The following ADGRG7 variants were observed in gnomAD, a reference collection of about 807,000 sequenced individuals.
The protein encoded by ADGRG7 is adhesion G protein-coupled receptor G7, also known as G-protein coupled receptor 128.
ADGRG7 carries 82 observed loss-of-function variants against 88.6 expected under a neutral mutation model. The ratio of observed to expected loss-of-function variants is 0.93; its 90% CI spans 0.77 to 1.11. The LOEUF (loss-of-function observed/expected upper bound fraction) is 1.11, where lower values mean the gene tolerates loss of function less well. Ranked by LOEUF, ADGRG7 falls within the 50% of genes most tolerant of loss-of-function variation. ADGRG7 has a pLI of 0.00. For missense variants in ADGRG7, 945 were observed against 953.4 expected, an observed-to-expected ratio of 0.99 and a Z score of 0.12; for synonymous variants, 381 against 345.2, an observed-to-expected ratio of 1.10 and a Z score of -1.15.
At chr3:100,621,273 G>A (rs1707308217) in intron 1 of ADGRG7, among the ~76,000 whole-genome samples, 1 of 152,154 alleles carries the variant, frequency 6.6e-6, no homozygotes, top group African/African-American at 2.4e-5. Context: ...GGAATCAAAA[G>A]CTAGAAATGA....
At chr3:100,658,269 G>C (rs1235758079) in intron 13 of ADGRG7, among the ~76,000 whole-genome samples, 2 of 152,068 alleles carry the variant, frequency 1.3e-5, no homozygotes, top group East Asian at 3.8e-4. Context: ...CTCCTCTCCT[G>C]GTCCAAACTA....
intron 15 of ADGRG7, among the ~76,000 whole-genome samples, chr3:100,669,847 C>A (rs961281652): frequency 1.3e-5 from 2 of 151,980 alleles, no homozygotes; most frequent in African/African-American, 4.8e-5. Context: ...ACCAGTCTAG[C>A]CAACATGGTG....
Position 100,630,726 on chromosome 3 carries a change from C to A in ADGRG7, c.251C>A (p.Thr84Asn). 7.0e-7 allele frequency: 1 copy of A among 1,432,362 alleles called. No individual in the cohort carries two copies. Among genetic ancestry groups the A allele is most frequent in the Non-Finnish European group, 9.2e-7 (1 of 1,086,662 alleles). 88.7% of individuals were successfully genotyped at this position (1,432,362 alleles called of 1,614,324 possible). The change falls in exon 3 of 16, where the codon ACC (threonine) becomes AAC (asparagine). Residue 84 changes from threonine to asparagine, a missense_variant. Physicochemically the swap from Thr to Asn is moderately conservative, Grantham distance 65. Transcript: ENST00000273352. ...ACAGCTAATTTTTGTGAAAATAGTA[C>A]CTATATGGGTTTTACTTTTGCCAGA... is the stretch of plus-strand genomic sequence containing the variant. ...CTIANFCENSTYMGFTFARIP... is the reference protein window; with the variant it reads ...CTIANFCENSNYMGFTFARIP...
intron 3 of ADGRG7, among the ~76,000 whole-genome samples, chr3:100,631,422 G>A (rs76854766): frequency 1.1e-3 from 161 of 152,234 alleles, no homozygotes; most frequent in Non-Finnish European, 5.9e-4. Context: ...GCCACATTGG[G>A]TAATGTCTTC....
chr3:100,649,158 A>T (rs967587040), intron 10 of ADGRG7, among the ~76,000 whole-genome samples: 1 of 152,242 alleles, frequency 6.6e-6, no homozygotes, highest in African/African-American at 2.4e-5. Flanking sequence ...TTGATTTTAG[A>T]CATCAAGGAA....
rs969236359 is a variant in ADGRG7, at chr3:100,643,375, C to A, written c.808C>A (p.Pro270Thr). Residue 270 changes from proline to threonine, a missense_variant, in exon 7 of 16, where the codon CCT becomes ACT. By Grantham distance (38) the Pro-to-Thr change is conservative (BLOSUM62 -1). Transcript: ENST00000273352. ...ANFSSENAVG[P>T]SNVRFSVQKG... ...TTTCTCTTCAGAAAATGCGGTGGGG[C>A]CTTCAAATGTTCGCTTCTCTGTGCA... 13 of 1,613,824 alleles carry A rather than the reference C, an allele frequency of 8.1e-6. No individual in the cohort carries two copies. Among genetic ancestry groups the A allele is most frequent in the Admixed American group, 1.7e-5 (1 of 59,988 alleles).
chr3:100,671,792 G>A (rs555008633), intron 15 of ADGRG7, among the ~76,000 whole-genome samples: 84 of 152,256 alleles, frequency 5.5e-4, no homozygotes, highest in South Asian at 4.8e-3. Flanking sequence ...AGTTTTCCCA[G>A]CACCATTTAT....
At chr3:100,690,047 A>G (rs1465209199) in intron 15 of ADGRG7, among the ~76,000 whole-genome samples, 1 of 152,066 alleles carries the variant, frequency 6.6e-6, no homozygotes, top group Non-Finnish European at 1.5e-5. Flanking sequence ...CTATAGTCCC[A>G]TATTTCTTGG....
chr3:100,670,763 C>A (rs914780031), intron 15 of ADGRG7, among the ~76,000 whole-genome samples: 1 of 152,088 alleles, frequency 6.6e-6, no homozygotes, highest in South Asian at 2.1e-4. Flanking sequence ...TCCCTGTGTC[C>A]ACGTGTTCTC....
chr3:100,688,660 G>A (rs1343785550), intron 15 of ADGRG7, among the ~76,000 whole-genome samples: 2 of 152,190 alleles, frequency 1.3e-5, no homozygotes, highest in Admixed American at 6.5e-5. Flanking sequence ...GGAACGGGTT[G>A]TTCAGTTTCC....
At chr3:100,648,260 T>C (rs1145343) in intron 10 of ADGRG7, among the ~76,000 whole-genome samples, 136,330 of 152,066 alleles carry the variant, frequency 0.9, 63,020 homozygotes, top group East Asian at 1. Context: ...CGTACCTACA[T>C]TTGTAATTAG....
chr3:100,617,627 G>A (rs1450452047), intron 1 of ADGRG7, among the ~76,000 whole-genome samples: 5 of 152,098 alleles, frequency 3.3e-5, no homozygotes, highest in African/African-American at 7.2e-5. Context: ...TTGGACATTT[G>A]GGTTGGTTCC....
chr3:100,635,132 C>CT (rs1707516854), intron 4 of ADGRG7, among the ~76,000 whole-genome samples: 1 of 152,080 alleles, frequency 6.6e-6, no homozygotes, highest in Non-Finnish European at 1.5e-5. Flanking sequence ...TAACTGGCAC[C>CT]TAGAGAGGTC....
intron 11 of ADGRG7, 83 bp from the exon 12 acceptor site, chr3:100,654,752 G>T: frequency 1.2e-6 from 1 of 830,398 alleles, no homozygotes; most frequent in Non-Finnish European, 1.9e-6. Context: ...AATATTCTTT[G>T]TTCCCAGAAA....
chr3:100,691,218 C>T (rs573033632), intron 15 of ADGRG7, among the ~76,000 whole-genome samples: 10 of 152,166 alleles, frequency 6.6e-5, no homozygotes, highest in Non-Finnish European at 8.8e-5. Flanking sequence ...TGGAAAAGTG[C>T]GGTATTAGGG....
rs555285248 is a variant in ADGRG7 at position 100,646,646 on chromosome 3, T to C, written c.1188T>C (p.Tyr396=). ...TGTCAGCGAAGGACTGGGACACATA[T>C]GGCTGTCAAAAAGACAAGGGCACTG... The part of the protein sequence containing the change: ...WNLSAKDWDT[Y]GCQKDKGTDG... Residue 396 remains tyrosine, a synonymous_variant, in exon 10 of 16, where the codon TAT becomes TAC. Coordinates refer to ENST00000273352, the MANE Select transcript of ADGRG7 (RefSeq NM_032787.3). The C allele has an allele frequency of 1.1e-5, 17 of 1,614,108 alleles. No homozygotes were observed. The highest frequency in any genetic ancestry group is 6.7e-5 in the East Asian group (3 of 44,880).
At chr3:100,686,271 A>T (rs559692727) in intron 15 of ADGRG7, among the ~76,000 whole-genome samples, 1 of 152,222 alleles carries the variant, frequency 6.6e-6, no homozygotes, top group South Asian at 2.1e-4. Context: ...GATTCTGGAT[A>T]TTAGCCCTTT....
rs756292338 is a variant in ADGRG7, at chr3:100,645,975, A to T, written c.977A>T (p.Tyr326Phe). 5.6e-6 allele frequency: 9 copies of T among 1,613,908 alleles called. No individual in the cohort carries two copies. Among genetic ancestry groups the T allele is most frequent in the Admixed American group, 1.7e-5 (1 of 59,992 alleles). The change falls in exon 9 of 16, where the codon TAT (tyrosine) becomes TTT (phenylalanine). Residue 326 changes from tyrosine (Y) to phenylalanine (F), a missense_variant. Physicochemically the swap from Tyr to Phe is conservative, Grantham distance 22. Coordinates refer to ENST00000273352, the MANE Select transcript of ADGRG7 (RefSeq NM_032787.3). Reference sequence around the variant, plus strand: ...ACCAAGACATGCGGCTTTGTAGTTTATCAAAATGACAAGCTTTTCCAATCA... The same window carrying T: ...ACCAAGACATGCGGCTTTGTAGTTTTTCAAAATGACAAGCTTTTCCAATCA... ...NYTKTCGFVV[Y>F]QNDKLFQSKT...
At chr3:100,686,383 A>G (rs1484162999) in intron 15 of ADGRG7, among the ~76,000 whole-genome samples, 7 of 152,042 alleles carry the variant, frequency 4.6e-5, no homozygotes, top group African/African-American at 7.2e-5. Flanking sequence ...AGTTTAATTA[A>G]ATCCCATTTG....
Sources: allele counts gnomAD v4.1 joint callset (sites outside exome capture counted in the v4.1 genomes callset), GRCh38; gene constraint gnomAD v4.1.1; transcripts MANE v1.5; gene names NCBI Gene and HGNC (gene_info 2026-07-23, HGNC 2026-07-21).